ERCC2: variants seen among roughly 807,000 people sequenced by gnomAD.
ERCC2 encodes ERCC excision repair 2, TFIIH core complex helicase subunit, also known as general transcription and DNA repair factor IIH helicase subunit XPD.
ERCC2 carries 90 observed loss-of-function variants against 99.4 expected under a neutral mutation model. The observed-to-expected ratio is 0.91, with a 90% CI of 0.76 to 1.08. ERCC2 has a LOEUF of 1.08. ERCC2 is among the 50% of genes least tolerant of loss of function. The pLI is 0.00. For synonymous variants in ERCC2, 497 were observed against 432.4 expected (o/e 1.15, Z -1.85); for missense variants, 993 against 1,038.1 (o/e 0.96, Z 0.60).
Position 45,352,634 on chromosome 19 carries a change from G to C in ERCC2, c.1918C>G (p.Leu640Val). The C allele has an allele frequency of 6.2e-7, 1 of 1,613,952 alleles. No homozygotes were observed. Among genetic ancestry groups the C allele is most frequent in the Non-Finnish European group, 8.5e-7 (1 of 1,180,034 alleles). Residue 640 changes from leucine to valine, a missense_variant, in exon 21 of 23, where the codon CTG becomes GTG. Transcript: ENST00000391945. ...TCACGAATCTGGAACTGGTCCCGCA[G>C]GTATTCCAGCCGCGCCTGCAGATAC... ...SRILKARLEY[L>V]RDQFQIREND...
rs552744075 is a variant in ERCC2 at position 45,359,999 on chromosome 19, T to G, written c.1237+1525A>C. Among the ~76,000 whole-genome samples, 3 of 152,002 alleles carry G rather than the reference T, an allele frequency of 2.0e-5. No homozygotes were observed. In the South Asian group the frequency reaches 6.2e-4, roughly 32 times the overall value. On this transcript the variant is annotated intron_variant, in intron 12 of 22. Transcript: ENST00000391945. ...CATATTGGTCAGGCTGGTCTCGAAC[T>G]CCTGACCTCAGGTGATCCACCCACC...
chr19:45,368,725 T>C lies in ERCC2; in HGVS notation c.265A>G (p.Lys89Glu). The C allele has an allele frequency of 6.2e-7, 1 of 1,613,170 alleles. No homozygotes were observed. The highest frequency in any genetic ancestry group is 8.5e-7 in the Non-Finnish European group (1 of 1,179,532). The change falls in exon 5 of 23, where the codon AAG becomes GAG. Residue 89 changes from lysine (K) to glutamate (E), a missense_variant. This residue lies in a region of ERCC2 where 909 missense variants were observed against 930.8 expected (regional missense o/e 0.98). Coordinates refer to ENST00000391945, the MANE Select transcript of ERCC2 (RefSeq NM_000400.4). ...TGCTTCTCATAGAAGTTGAGCAACT[T>C]TCGAAGCTCTTCAATCACCTACTCC... ...EIEKVIEELR[K>E]LLNFYEKQEG...
Position 45,361,627 on chromosome 19 carries a change from G to A in ERCC2, c.1134C>T (p.Arg378=), listed in dbSNP as rs769313562. ...CCAGAGTATGCAGCAGGGACCGGAG[G>A]CGTTCAGCACAGAATCTGGCGGGGA... ...QRKPLRFCAE[R]LRSLLHTLEI... Residue 378 remains arginine, a synonymous_variant, in exon 12 of 23, where the codon CGC becomes CGT. Transcript: ENST00000391945. 1 of 1,613,674 alleles carries A rather than the reference G, an allele frequency of 6.2e-7. No individual in the cohort carries two copies. The highest frequency in any genetic ancestry group is 1.7e-4 in the Middle Eastern group (1 of 6,060).
rs751318902 is a variant in ERCC2, at chr19:45,353,262, C to G, written c.1738G>C (p.Ala580Pro). Residue 580 changes from alanine to proline, a missense_variant, in exon 18 of 23, where the codon GCC (alanine) becomes CCC (proline). Physicochemically the swap from Ala to Pro is conservative, Grantham distance 27 (BLOSUM62 -1). This residue lies in a region of ERCC2 where 909 missense variants were observed against 930.8 expected (regional missense o/e 0.98). Coordinates refer to ENST00000391945, the MANE Select transcript of ERCC2 (RefSeq NM_000400.4). ...ETQDGAETSV[A>P]LEKYQEACEN... is the part of the protein sequence containing the mutation. ...CCCACCTCCTGGTACTTCTCCAGGG[C>G]GACACTGGTTTCGGCACCATCCTGG... 1.2e-6 allele frequency: 2 copies of G among 1,613,774 alleles called. No individual in the cohort carries two copies. The highest frequency in any genetic ancestry group is 1.7e-6 in the Non-Finnish European group (2 of 1,179,902).
chr19:45,350,430 C>T lies in ERCC2; in HGVS notation c.*1199G>A, dbSNP rs201301675. 130 of 1,613,844 alleles carry T rather than the reference C, an allele frequency of 8.1e-5. No homozygotes were observed. The East Asian group carries it at 1.7e-3, about 21-fold the overall frequency. ...ACAAGGAGGACCTACCCGCCCCTCT[C>T]GGTGAGCCCCTAGCCCCTGTCTGTC... On this transcript the variant is annotated 3_prime_UTR_variant, in exon 23 of 23. Coordinates refer to ENST00000391945, the MANE Select transcript of ERCC2 (RefSeq NM_000400.4).
intron 17 of ERCC2, among the ~76,000 whole-genome samples, chr19:45,354,074 A>G (rs1971928263): frequency 6.6e-6 from 1 of 152,162 alleles, no homozygotes; most frequent in South Asian, 2.1e-4. Flanking sequence ...CCCGCCTCCC[A>G]TGCGTGCCTT....
intron 11 of ERCC2, among the ~76,000 whole-genome samples, chr19:45,362,675 C>T (rs1043678132): frequency 6.6e-6 from 1 of 152,266 alleles, no homozygotes; most frequent in Admixed American, 6.5e-5. Flanking sequence ...GCCTCTACGG[C>T]TGTGTCCCCA....
rs747476170 is a variant in ERCC2, at chr19:45,352,630, C to T, written c.1922G>A (p.Arg641Gln). 8.7e-6 allele frequency: 14 copies of T among 1,613,780 alleles called. No homozygotes were observed. Among genetic ancestry groups the T allele is most frequent in the Admixed American group, 3.3e-5 (2 of 59,998 alleles). The part of the protein sequence containing the change: ...RILKARLEYL[R>Q]DQFQIRENDF... The stretch of plus-strand genomic sequence containing the variant: ...ATTCTCACGAATCTGGAACTGGTCC[C>T]GCAGGTATTCCAGCCGCGCCTGCAG... Residue 641 changes from arginine to glutamine, a missense_variant, in exon 21 of 23, where the codon CGG (arginine) becomes CAG (glutamine). Physicochemically the swap from Arg to Gln is conservative, Grantham distance 43. Transcript: ENST00000391945.
intron 15 of ERCC2, among the ~76,000 whole-genome samples, chr19:45,356,738 CG>C (rs1202279063): frequency 1.3e-5 from 2 of 152,164 alleles, no homozygotes; most frequent in East Asian, 3.9e-4. Flanking sequence ...ATCCAGGAGG[CG>C]GAGGTTGCAG....
chr19:45,352,385 G>T (rs1050631904), intron 21 of ERCC2, 33 bp from the exon 22 acceptor site: 2 of 1,613,714 alleles, frequency 1.2e-6, no homozygotes, highest in Non-Finnish European at 1.7e-6. Flanking sequence ...GGGACAGAAG[G>T]TCATTCGGGG....
Position 45,369,135 on chromosome 19 carries a change from G to A in ERCC2, c.118C>T (p.Leu40=), listed in dbSNP as rs756340448. The A allele has an allele frequency of 3.7e-6, 6 of 1,613,960 alleles. No homozygotes were observed. Among genetic ancestry groups the A allele is most frequent in the Non-Finnish European group, 5.1e-6 (6 of 1,179,968 alleles). Residue 40 remains leucine, a synonymous_variant, in exon 3 of 23, where the codon CTG becomes TTG. Transcript: ENST00000391945. ...RTLDAKGHGV[L]EMPSGTGKTV... is the part of the protein sequence containing the mutation. ...TTCCCGGTGCCTGAGGGCATCTCCA[G>A]GACTCCATGACCCTGCATGTTGGGG...
At position 45,356,910 on chromosome 19, in the gene ERCC2, GCTCA is replaced by G. The variant is rs367956282; in HGVS notation, c.1479+356_1479+359del. 3.3e-5 allele frequency among the ~76,000 whole-genome samples: 5 copies of G among 152,292 alleles called. No homozygotes were observed. The East Asian group carries it at 9.7e-4, about 29-fold the overall frequency. On this transcript the variant is annotated intron_variant, in intron 15 of 22. Coordinates refer to ENST00000391945, the MANE Select transcript of ERCC2 (RefSeq NM_000400.4). ...TACAGAGACGGAGACGGAGAGGAAG[GCTCA>G]CTTACCTGGGTCACAGCCAGACCAC...
intron 12 of ERCC2, chr19:45,358,349 C>G (rs976445042): frequency 1.0e-5 from 2 of 191,624 alleles, no homozygotes; most frequent in South Asian, 1.0e-4. Flanking sequence ...AAGCCATCAG[C>G]AAAGCCGGGC....
rs149484738 is a variant in ERCC2 at position 45,366,434 on chromosome 19, G to A, written c.361-1276C>T. Among the ~76,000 whole-genome samples, 4 of 152,266 alleles carry A rather than the reference G, an allele frequency of 2.6e-5. No individual in the cohort carries two copies. The East Asian group carries it at 7.7e-4, about 29-fold the overall frequency. The stretch of plus-strand genomic sequence containing the variant: ...TGGGATTATAGGTGTGAGCCACCGT[G>A]CCCAGCCCAAAACTAATATTTTAAA... On this transcript the variant is annotated intron_variant, in intron 5 of 22. Coordinates refer to ENST00000391945, the MANE Select transcript of ERCC2 (RefSeq NM_000400.4).
chr19:45,350,611 G>A lies in ERCC2; in HGVS notation c.*1018C>T, dbSNP rs776994753. The A allele has an allele frequency of 4.5e-5, 73 of 1,613,228 alleles. No individual in the cohort carries two copies. The highest frequency in any genetic ancestry group is 2.1e-4 in the African/African-American group (16 of 74,966). On this transcript the variant is annotated 3_prime_UTR_variant, in exon 23 of 23. Transcript: ENST00000391945. ...GCGTGGGGACTGCATGGGCCTGGGG[G>A]ACTGAGCAGCATCCCCGGCCCCTCC... is the stretch of plus-strand genomic sequence containing the variant.
At chr19:45,355,548 ACT>A (rs1568534674) in intron 16 of ERCC2, 115 bp downstream of exon 16, 2 of 968,428 alleles carry the variant, frequency 2.1e-6, no homozygotes, top group South Asian at 1.3e-5. Context: ...CAAGAAGGAA[ACT>A]CTGGGCTGAG....
At chr19:45,355,866 G>A (rs1971996128) in intron 15 of ERCC2, 138 bp from the exon 16 acceptor site, 1 of 740,230 alleles carries the variant, frequency 1.4e-6, no homozygotes, top group African/African-American at 1.8e-5. Context: ...TGTTGCCCAG[G>A]CTGATCTTGA....
In ERCC2 at chr19:45,361,573, C is replaced by T. The variant is rs1043637579; in HGVS notation, c.1188G>A (p.Pro396=). 9.3e-6 allele frequency: 15 copies of T among 1,613,786 alleles called. No homozygotes were observed. Among genetic ancestry groups the T allele is most frequent in the Middle Eastern group, 1.6e-4 (1 of 6,084 alleles). ...TGGCAAAGTTAGCAAGGAGGGTGAG[C>T]GGGGAGAAGTCAGCAAGGTCGGTGA... ...LEITDLADFS[P]LTLLANFATL... Residue 396 remains proline, a synonymous_variant, in exon 12 of 23, where the codon CCG becomes CCA. Coordinates refer to ENST00000391945, the MANE Select transcript of ERCC2 (RefSeq NM_000400.4).
chr19:45,359,082 G>A, intron 12 of ERCC2: 1 of 598,596 alleles, frequency 1.7e-6, no homozygotes, highest in Non-Finnish European at 3.0e-6. Context: ...AGATAGTGAT[G>A]ACTGAGAGTG....
Sources: allele counts gnomAD v4.1 joint callset (sites outside exome capture counted in the v4.1 genomes callset), GRCh38; gene constraint gnomAD v4.1.1; regional missense constraint gnomAD v4.1.1; transcripts MANE v1.5; gene names NCBI Gene and HGNC (gene_info 2026-07-23, HGNC 2026-07-21).